Variants in IL21R observed in about 807,000 individuals in gnomAD.
IL21R encodes interleukin 21 receptor.
Under a neutral mutation model 41.3 loss-of-function variants are expected in IL21R, and 14 were observed. The ratio of observed to expected loss-of-function variants is 0.34; its 90% CI spans 0.22 to 0.53. The LOEUF (loss-of-function observed/expected upper bound fraction) is 0.53, where lower values mean the gene tolerates loss of function less well. IL21R is among the 20% of genes least tolerant of loss of function. IL21R has a pLI of 0.94. For synonymous variants in IL21R, 286 were observed against 287.6 expected (o/e 0.99, Z 0.05); for missense variants, 588 against 681.6 (o/e 0.86, Z 1.53).
chr16:27,445,715 C>A (rs867754951), intron 7 of IL21R, among the ~76,000 whole-genome samples: 1 of 152,132 alleles, frequency 6.6e-6, no homozygotes, highest in African/African-American at 2.4e-5. Flanking sequence ...GGCCTCTCTG[C>A]GCACCCCTGG....
In IL21R at chr16:27,449,408, T is replaced by G. The variant is rs944917691; in HGVS notation, c.*125T>G. On this transcript the variant is annotated 3_prime_UTR_variant, in exon 9 of 9. Transcript: ENST00000337929. Reference sequence around the variant, plus strand: ...CTCCTGGATGGGCCTTTGAGCCTGATGTTTACAGTGTCTGTGTGTGTGTGT... The same window carrying G: ...CTCCTGGATGGGCCTTTGAGCCTGAGGTTTACAGTGTCTGTGTGTGTGTGT... 5.1e-5 allele frequency: 46 copies of G among 897,030 alleles called. No individual in the cohort carries two copies. In the African/African-American group the frequency reaches 7.4e-4, roughly 14 times the overall value. The allele number at this position is 897,030 out of a possible 1,614,324, so 55.6% of individuals were successfully genotyped here. A position where few individuals can be genotyped will look rare whatever the true frequency, so the allele number is the denominator to read the frequency against.
intron 1 of IL21R, chr16:27,403,351 G>T: frequency 1.1e-6 from 1 of 870,040 alleles, no homozygotes; most frequent in Non-Finnish European, 1.6e-6. Context: ...GGGAACTTAG[G>T]ACTTGCCGCA....
chr16:27,445,272 T>C lies in IL21R; in HGVS notation c.781T>C (p.Trp261Arg), dbSNP rs2087457578. ...CTGGAGCCTGAAGACCCATCCATTGTGGAGGTGAGGCCAGGGGATGAGGAA... is the reference window on the plus strand; with the variant it reads ...CTGGAGCCTGAAGACCCATCCATTGCGGAGGTGAGGCCAGGGGATGAGGAA... ...AFWSLKTHPL[W>R]RLWKKIWAVP... is the part of the protein sequence containing the mutation. The change falls in exon 7 of 9, where the codon TGG becomes CGG. Residue 261 changes from tryptophan to arginine, a missense_variant. By Grantham distance (101) the Trp-to-Arg change is moderately radical. Transcript: ENST00000337929. 1 of 1,610,902 alleles carries C rather than the reference T, an allele frequency of 6.2e-7. No individual in the cohort carries two copies. The highest frequency in any genetic ancestry group is 2.2e-5 in the East Asian group (1 of 44,876).
At chr16:27,443,174 C>A in intron 5 of IL21R, 58 bp downstream of exon 5, 7 of 1,380,246 alleles carry the variant, frequency 5.1e-6, no homozygotes, top group Non-Finnish European at 6.0e-6. Flanking sequence ...TGACGGAGTG[C>A]AAAGGCATCT....
At chr16:27,439,585 ACACT>A (rs752818435) in intron 4 of IL21R, among the ~76,000 whole-genome samples, 52 of 151,900 alleles carry the variant, frequency 3.4e-4, no homozygotes, top group South Asian at 8.3e-4. Flanking sequence ...ACATATGCAC[ACACT>A]CACACATGCA....
At chr16:27,443,225 A>C in intron 5 of IL21R, 109 bp downstream of exon 5, 1 of 1,037,668 alleles carries the variant, frequency 9.6e-7, no homozygotes, top group Non-Finnish European at 1.4e-6. Flanking sequence ...CATGGCCAAG[A>C]ACAGAGACCA....
At chr16:27,410,390 T>G (rs1382725987) in intron 1 of IL21R, among the ~76,000 whole-genome samples, 1 of 152,198 alleles carries the variant, frequency 6.6e-6, no homozygotes, top group Non-Finnish European at 1.5e-5. Context: ...GATATTTGAT[T>G]TTTTGATGCT....
chr16:27,448,759 G>C lies in IL21R; in HGVS notation c.1093G>C (p.Glu365Gln), dbSNP rs201764190. The C allele has an allele frequency of 6.2e-7, 1 of 1,613,644 alleles. No homozygotes were observed. Among genetic ancestry groups the C allele is most frequent in the Non-Finnish European group, 8.5e-7 (1 of 1,180,036 alleles). ...AQNSGGSAYS[E>Q]ERDRPYGLVS... ...GAACTCGGGGGGCTCAGCTTACAGT[G>C]AGGAGAGGGATCGGCCATACGGCCT... The change falls in exon 9 of 9, where the codon GAG becomes CAG. Residue 365 changes from glutamate to glutamine, a missense_variant. Physicochemically the swap from Glu to Gln is conservative, Grantham distance 29. Transcript: ENST00000337929.
chr16:27,437,773 C>T, intron 4 of IL21R, 86 bp downstream of exon 4: 1 of 1,038,104 alleles, frequency 9.6e-7, no homozygotes, highest in South Asian at 1.4e-5. Flanking sequence ...GGTGATCCTC[C>T]CACCTCAGCC....
rs541381762 is a variant in IL21R, at chr16:27,402,236, C to T, written c.-399C>T. The T allele has an allele frequency of 9.2e-5, 14 of 152,556 alleles. No homozygotes were observed. Among genetic ancestry groups the T allele is most frequent in the African/African-American group, 3.4e-4 (14 of 41,578 alleles). 9.5% of individuals were successfully genotyped at this position (152,556 alleles called of 1,614,324 possible). A position where few individuals can be genotyped will look rare whatever the true frequency, so the allele number is the denominator to read the frequency against. The stretch of plus-strand genomic sequence containing the variant: ...AGACAGACCCACTGGCGTCTCTCTG[C>T]TGAGTGACCGTAAGCTCGGCGTCTG... On this transcript the variant is annotated 5_prime_UTR_variant, in exon 1 of 9. Transcript: ENST00000337929.
At chr16:27,419,157 G>T (rs1043642130) in intron 1 of IL21R, among the ~76,000 whole-genome samples, 7 of 151,998 alleles carry the variant, frequency 4.6e-5, no homozygotes, top group African/African-American at 1.7e-4. Context: ...CCAACACCAC[G>T]CCATTGCACT....
intron 4 of IL21R, 148 bp from the exon 5 acceptor site, chr16:27,442,814 A>G (rs1013624151): frequency 1.5e-6 from 1 of 663,400 alleles, no homozygotes; most frequent in African/African-American, 1.8e-5. Flanking sequence ...GCCCAAAGTC[A>G]CTCAGGGTTG....
chr16:27,447,632 TC>T (rs2141316504), intron 8 of IL21R: 1 of 152,374 alleles, frequency 6.6e-6, no homozygotes, highest in South Asian at 2.1e-4. Context: ...CAAAGGCCTT[TC>T]CAAGTGGCTT....
intron 1 of IL21R, among the ~76,000 whole-genome samples, chr16:27,411,716 G>A (rs1054448176): frequency 3.3e-5 from 5 of 151,872 alleles, no homozygotes; most frequent in Admixed American, 6.6e-5. Flanking sequence ...CGCCCGCCTC[G>A]GCCTCCCAAA....
At chr16:27,429,143 G>A (rs1252992796) in intron 1 of IL21R, among the ~76,000 whole-genome samples, 4 of 152,120 alleles carry the variant, frequency 2.6e-5, no homozygotes, top group Non-Finnish European at 5.9e-5. Flanking sequence ...AGAATCGCTT[G>A]AACCTGGGAG....
At chr16:27,435,666 C>T (rs2087256727) in intron 3 of IL21R, among the ~76,000 whole-genome samples, 1 of 152,018 alleles carries the variant, frequency 6.6e-6, no homozygotes, top group Non-Finnish European at 1.5e-5. Context: ...GTTACCCAGG[C>T]TGGATTCAAA....
chr16:27,422,130 T>A (rs1396021313), intron 1 of IL21R, among the ~76,000 whole-genome samples: 1 of 152,142 alleles, frequency 6.6e-6, no homozygotes, highest in Non-Finnish European at 1.5e-5. Context: ...CTGTCTTCCA[T>A]CATTTTGTTA....
At chr16:27,437,963 C>G (rs1382625187) in intron 4 of IL21R, among the ~76,000 whole-genome samples, 2 of 152,194 alleles carry the variant, frequency 1.3e-5, no homozygotes, top group African/African-American at 2.4e-5. Flanking sequence ...GTCCCCTACT[C>G]CCTGCCCTCT....
intron 8 of IL21R, 37 bp from the exon 9 acceptor site, chr16:27,448,497 A>G (rs1226474906): frequency 6.5e-7 from 1 of 1,549,962 alleles, no homozygotes; most frequent in African/African-American, 1.4e-5. Flanking sequence ...CCTTACCCTC[A>G]TCCTGTGCTA....
Sources: allele counts gnomAD v4.1 joint callset (sites outside exome capture counted in the v4.1 genomes callset), GRCh38; gene constraint gnomAD v4.1.1; transcripts MANE v1.5; gene names NCBI Gene and HGNC (gene_info 2026-07-23, HGNC 2026-07-21).